ZNF519: variants seen among roughly 807,000 people sequenced by gnomAD.
The protein encoded by ZNF519 is zinc finger protein 519.
In ZNF519, 7 loss-of-function variants were observed where a neutral mutation model predicts 7.4. The ratio of observed to expected loss-of-function variants is 0.94; its 90% CI spans 0.54 to 1.77. The LOEUF is 1.77. ZNF519 is among the 40% of genes most tolerant of loss of function. The pLI, the probability that ZNF519 is intolerant of heterozygous loss-of-function variation, is 0.00. For missense variants in ZNF519, 586 were observed against 623.1 expected (o/e 0.94, Z 0.63); for synonymous variants, 179 against 203.3 (o/e 0.88, Z 1.02).
intron 2 of ZNF519, among the ~76,000 whole-genome samples, chr18:14,091,411 C>A (rs2046113734): frequency 6.6e-6 from 1 of 152,102 alleles, no homozygotes; most frequent in African/African-American, 2.4e-5. Context: ...AGGGTTTCCA[C>A]AATGAGTATC....
intron 2 of ZNF519, among the ~76,000 whole-genome samples, chr18:14,108,360 CT>C (rs1486824157): frequency 6.6e-6 from 1 of 152,028 alleles, no homozygotes; most frequent in African/African-American, 2.4e-5. Flanking sequence ...AGAATGATTC[CT>C]TTTAATCAAT....
intron 2 of ZNF519, among the ~76,000 whole-genome samples, chr18:14,123,415 G>A (rs192763716): frequency 6.6e-5 from 10 of 151,934 alleles, no homozygotes; most frequent in Non-Finnish European, 1.0e-4. Context: ...CAGTACTATC[G>A]AATCAAAAAT....
At chr18:14,096,825 C>G (rs141400956), downstream of ZNF519, among the ~76,000 whole-genome samples, 8 of 152,184 alleles carry the variant, frequency 5.3e-5, no homozygotes, top group African/African-American at 1.7e-4. Flanking sequence ...GACAGCATTG[C>G]CCACTGCTCC....
rs559375138 is a variant in ZNF519 at position 14,083,901 on chromosome 18, G to A, written c.*177+976C>T. On this transcript the variant is annotated intron_variant and NMD_transcript_variant, in intron 3 of 4. Transcript: ENST00000587419. ...TCCACTGGGAGCAGACAATGCATCCGATGTGTCCCCTAAACAATCCCTGCT... is the reference window on the plus strand; with the variant it reads ...TCCACTGGGAGCAGACAATGCATCCAATGTGTCCCCTAAACAATCCCTGCT... 5.9e-5 allele frequency among the ~76,000 whole-genome samples: 9 copies of A among 152,258 alleles called. No individual in the cohort carries two copies. In the South Asian group the frequency reaches 8.3e-4, roughly 14 times the overall value.
At chr18:14,081,378 A>T (rs1199015315) in intron 3 of ZNF519, among the ~76,000 whole-genome samples, 1 of 152,202 alleles carries the variant, frequency 6.6e-6, no homozygotes, top group Non-Finnish European at 1.5e-5. Flanking sequence ...AAGGTAAAAG[A>T]AGACATAGCT....
chr18:14,123,609 C>A lies in ZNF519; in HGVS notation c.130+741G>T, dbSNP rs567051551. On this transcript the variant is annotated intron_variant, in intron 2 of 2. Transcript: ENST00000590202. ...TGGTGCATGTCTGTAGTCTCAGCTA[C>A]CCGGGAGGCTGAGGCAGAAGTGCTT... Among the ~76,000 whole-genome samples the A allele has an allele frequency of 2.0e-5, 3 of 152,074 alleles. No homozygotes were observed. In the East Asian group the frequency reaches 5.8e-4, roughly 30 times the overall value.
downstream of ZNF519, among the ~76,000 whole-genome samples, chr18:14,099,519 T>A (rs1305470613): frequency 6.6e-6 from 1 of 152,192 alleles, no homozygotes; most frequent in Non-Finnish European, 1.5e-5. Flanking sequence ...CAAATTAATT[T>A]GTATATTAAT....
chr18:14,071,391 T>A (rs1280756483), downstream of ZNF519: 3 of 152,182 alleles, frequency 2.0e-5, no homozygotes, highest in Admixed American at 6.5e-5. Context: ...TAGATATAGA[T>A]AAATATCAAC....
rs771587444 is a variant in ZNF519, at chr18:14,105,821, T to C, written c.719A>G (p.Asn240Ser). ...IYIGESSQRC[N>S]KKCIIVFSQS... ...ACTAAAGACTATTATACATTTTTTA[T>C]TACATCTTTGTGAGCTCTCTCCAAT... is the stretch of plus-strand genomic sequence containing the variant. The change falls in exon 3 of 3, where the codon AAT becomes AGT. Residue 240 changes from asparagine to serine, a missense_variant. Physicochemically the swap from Asn to Ser is conservative, Grantham distance 46. Transcript: ENST00000590202. The C allele has an allele frequency of 6.2e-7, 1 of 1,602,746 alleles. No individual in the cohort carries two copies. The highest frequency in any genetic ancestry group is 1.1e-5 in the South Asian group (1 of 88,380).
chr18:14,107,777 G>A (rs2046200780), intron 2 of ZNF519, among the ~76,000 whole-genome samples: 1 of 152,166 alleles, frequency 6.6e-6, no homozygotes, highest in Non-Finnish European at 1.5e-5. Context: ...GGGAACATTG[G>A]TGGTAGCCTG....
At chr18:14,076,021 T>G (rs2143070802) in exon 5 of ZNF519, 1 of 152,256 alleles carries the variant, frequency 6.6e-6, no homozygotes, top group East Asian at 1.9e-4. Flanking sequence ...TTATTATTTT[T>G]TTTTTTACAG....
chr18:14,090,910 CA>C (rs1287065296), intron 2 of ZNF519: 1 of 152,196 alleles, frequency 6.6e-6, no homozygotes, highest in Non-Finnish European at 1.5e-5. Context: ...TAAAGCTCTG[CA>C]AATGTTAACT....
intron 2 of ZNF519, among the ~76,000 whole-genome samples, chr18:14,089,756 T>C (rs1177920238): frequency 6.6e-6 from 1 of 152,212 alleles, no homozygotes; most frequent in African/African-American, 2.4e-5. Flanking sequence ...TTTATATTTA[T>C]ACAAAATTTT....
In ZNF519 at chr18:14,101,160, G is replaced by A. The variant is rs965330551; in HGVS notation, c.*3757C>T. 8 of 153,976 alleles carry A rather than the reference G, an allele frequency of 5.2e-5. No homozygotes were observed. The highest frequency in any genetic ancestry group is 1.9e-4 in the African/African-American group (8 of 41,434). 9.5% of individuals were successfully genotyped at this position (153,976 alleles called of 1,614,324 possible). A position where few individuals can be genotyped will look rare whatever the true frequency, so the allele number is the denominator to read the frequency against. On this transcript the variant is annotated 3_prime_UTR_variant, in exon 3 of 3. Transcript: ENST00000590202. ...CTTACCTTTTGGGCAGCAGGTCCAG[G>A]AGCTGTTGGGTGGGGGTGAACTCTC...
intron 2 of ZNF519, among the ~76,000 whole-genome samples, chr18:14,108,672 T>C (rs2046206210): frequency 6.7e-6 from 1 of 148,808 alleles, no homozygotes; most frequent in African/African-American, 2.5e-5. Flanking sequence ...TATAAACACA[T>C]AGATTAAAAA....
Position 14,104,702 on chromosome 18 carries a change from G to T in ZNF519, c.*215C>A. The T allele has an allele frequency of 2.4e-6, 1 of 423,332 alleles. No individual in the cohort carries two copies. Among genetic ancestry groups the T allele is most frequent in the Non-Finnish European group, 4.1e-6 (1 of 245,390 alleles). 26.2% of individuals were successfully genotyped at this position (423,332 alleles called of 1,614,324 possible). A position where few individuals can be genotyped will look rare whatever the true frequency, so the allele number is the denominator to read the frequency against. On this transcript the variant is annotated 3_prime_UTR_variant, in exon 3 of 3. Transcript: ENST00000590202. The stretch of plus-strand genomic sequence containing the variant: ...TTATCTAATTGAGTTTGAATTATTT[G>T]TTATAATAAACACACTGATTCAGAG...
At chr18:14,124,513 T>C (rs200855642) in intron 1 of ZNF519, 37 bp from the exon 2 acceptor site, 1 of 1,597,576 alleles carries the variant, frequency 6.3e-7, no homozygotes, top group African/African-American at 1.4e-5. Flanking sequence ...AGCTCTTAAT[T>C]TGACTAGAGA....
intron 2 of ZNF519, among the ~76,000 whole-genome samples, chr18:14,119,422 TTAACA>T (rs1231109113): frequency 3.9e-5 from 6 of 152,172 alleles, no homozygotes; most frequent in Non-Finnish European, 7.3e-5. Flanking sequence ...TGCTTCTACC[TTAACA>T]TATTACTGAA....
chr18:14,129,765 T>C (rs11874997), intron 1 of ZNF519, among the ~76,000 whole-genome samples: 30,946 of 152,132 alleles, frequency 0.2, 3,442 homozygotes, highest in Middle Eastern at 0.24. Flanking sequence ...GCCAGTCACA[T>C]GCCTCCGGAT....
Sources: allele counts gnomAD v4.1 joint callset (sites outside exome capture counted in the v4.1 genomes callset), GRCh38; gene constraint gnomAD v4.1.1; transcripts MANE v1.5; gene names NCBI Gene and HGNC (gene_info 2026-07-23, HGNC 2026-07-21).